Variants in RBFOX1 observed in about 807,000 individuals in gnomAD.
RBFOX1 encodes RNA binding fox-1 homolog 1, also known as RNA binding protein fox-1 homolog 1.
A neutral mutation model predicts 57.7 loss-of-function variants in RBFOX1; 8 were observed. The observed-to-expected ratio is 0.14, with a 90% CI of 0.08 to 0.25. RBFOX1 has a LOEUF of 0.25. Ranked by LOEUF, RBFOX1 falls within the 10% of genes least tolerant of loss-of-function variation. The pLI is 1.00. For synonymous variants in RBFOX1, 326 were observed against 222.4 expected (o/e 1.47, Z -4.15); for missense variants, 611 against 548.5 (o/e 1.11, Z -1.14).
At chr16:6,575,903 A>T (rs183405916) in intron 2 of RBFOX1, among the ~76,000 whole-genome samples, 1 of 152,108 alleles carries the variant, frequency 6.6e-6, no homozygotes, top group Non-Finnish European at 1.5e-5. Flanking sequence ...ATAAAGATTA[A>T]TAAAAACATG....
At chr16:5,682,396 C>T (rs1057099999) in intron 3 of RBFOX1, among the ~76,000 whole-genome samples, 1 of 152,178 alleles carries the variant, frequency 6.6e-6, no homozygotes, top group Admixed American at 6.5e-5. Flanking sequence ...GGAAAGACAC[C>T]TGGAAAAAGA....
rs77050869 is a variant in RBFOX1, at chr16:7,148,338, G to C, written c.27+96240G>C. On this transcript the variant is annotated intron_variant, in intron 4 of 15. Transcript: ENST00000550418. Reference sequence around the variant, plus strand: ...TTTATAAGGAAACTCCAAGAAGCCTGATTTTAGCATCTATACAGGCCATTA... The same window carrying C: ...TTTATAAGGAAACTCCAAGAAGCCTCATTTTAGCATCTATACAGGCCATTA... Among the ~76,000 whole-genome samples, 749 of 152,280 alleles carry C rather than the reference G, an allele frequency of 4.9e-3. 5 individuals are homozygous for C. Among genetic ancestry groups the C allele is most frequent in the African/African-American group, 0.017 (720 of 41,562 alleles).
chr16:7,294,983 T>C (rs2095862550), intron 4 of RBFOX1, among the ~76,000 whole-genome samples: 1 of 152,192 alleles, frequency 6.6e-6, no homozygotes, highest in Admixed American at 6.5e-5. Context: ...ATAAAAATAA[T>C]CTACCTTGCA....
At chr16:6,268,253 C>T (rs76752413) in intron 1 of RBFOX1, among the ~76,000 whole-genome samples, 1 of 152,160 alleles carries the variant, frequency 6.6e-6, no homozygotes, top group African/African-American at 2.4e-5. Context: ...ATTTACATCT[C>T]TTTATGGGGA....
chr16:7,070,880 C>G (rs926829381), intron 4 of RBFOX1, among the ~76,000 whole-genome samples: 3 of 152,132 alleles, frequency 2.0e-5, no homozygotes, highest in Admixed American at 2.0e-4. Flanking sequence ...CCAGCACTGA[C>G]AAGACTGTGG....
At chr16:5,487,295 A>G (rs2042661288) in intron 2 of RBFOX1, among the ~76,000 whole-genome samples, 1 of 152,184 alleles carries the variant, frequency 6.6e-6, no homozygotes, top group Non-Finnish European at 1.5e-5. Context: ...TTGTTTCTTG[A>G]GTTCGTAGCA....
At chr16:6,106,316 T>A (rs1381187732) in intron 1 of RBFOX1, among the ~76,000 whole-genome samples, 4 of 149,118 alleles carry the variant, frequency 2.7e-5, no homozygotes, top group African/African-American at 9.9e-5. Context: ...AAAAAATTAG[T>A]CAGGCTTGAT....
chr16:7,688,307 A>C (rs544239295), intron 14 of RBFOX1, among the ~76,000 whole-genome samples: 14 of 151,774 alleles, frequency 9.2e-5, no homozygotes, highest in Non-Finnish European at 1.8e-4. Context: ...AGCATTGGAT[A>C]CAAGAAGAAT....
intron 2 of RBFOX1, among the ~76,000 whole-genome samples, chr16:6,604,365 T>C (rs1049739754): frequency 1.3e-5 from 2 of 152,162 alleles, no homozygotes; most frequent in African/African-American, 4.8e-5. Flanking sequence ...TTTTAAGAGA[T>C]AGGGCCTTGC....
In RBFOX1 at chr16:7,022,196, T is replaced by C. The variant is rs181826312; in HGVS notation, c.-15-29861T>C. Among the ~76,000 whole-genome samples the C allele has an allele frequency of 3.2e-3, 486 of 150,382 alleles. 4 individuals carry two copies. Among genetic ancestry groups the C allele is most frequent in the African/African-American group, 0.012 (472 of 40,796 alleles). ...CTCCCACCTCAGCCTCCTGAGTAGC[T>C]GGGACTACAGACACACCCCTAATTT... is the stretch of plus-strand genomic sequence containing the variant. On this transcript the variant is annotated intron_variant, in intron 3 of 15. Coordinates refer to ENST00000550418, the MANE Select transcript of RBFOX1 (RefSeq NM_018723.4).
At chr16:7,202,865 G>T (rs1252920334) in intron 4 of RBFOX1, among the ~76,000 whole-genome samples, 2 of 152,142 alleles carry the variant, frequency 1.3e-5, no homozygotes, top group Middle Eastern at 3.2e-3. Flanking sequence ...AAAAGGTTGG[G>T]GTCTGCTGAA....
chr16:6,466,156 G>C (rs1390944731), intron 2 of RBFOX1, among the ~76,000 whole-genome samples: 1 of 151,338 alleles, frequency 6.6e-6, no homozygotes, highest in South Asian at 2.1e-4. Context: ...TTGAACCCGG[G>C]AGGCAGAGGT....
intron 3 of RBFOX1, among the ~76,000 whole-genome samples, chr16:6,699,093 G>A (rs2061461954): frequency 6.6e-6 from 1 of 152,136 alleles, no homozygotes; most frequent in African/African-American, 2.4e-5. Flanking sequence ...ATCATAACCA[G>A]CATGCAGCCA....
intron 1 of RBFOX1, among the ~76,000 whole-genome samples, chr16:5,256,404 C>T (rs1437884954): frequency 6.6e-6 from 1 of 152,176 alleles, no homozygotes; most frequent in Non-Finnish European, 1.5e-5. Context: ...TTCACCTGTC[C>T]TCACATGTCC....
intron 3 of RBFOX1, among the ~76,000 whole-genome samples, chr16:5,698,474 A>G (rs553649841): frequency 8.5e-5 from 13 of 152,280 alleles, no homozygotes; most frequent in African/African-American, 3.1e-4. Context: ...GTTTTTCTAG[A>G]AAACTGTACA....
chr16:6,098,696 A>C (rs1352093326), intron 1 of RBFOX1, among the ~76,000 whole-genome samples: 1 of 152,192 alleles, frequency 6.6e-6, no homozygotes, highest in Admixed American at 6.5e-5. Flanking sequence ...ATCATCTGAG[A>C]CCCTTACTAC....
Position 6,256,177 on chromosome 16 carries a change from A to ATATGTATATATATG in RBFOX1, c.-126-60815_-126-60814insGTATATATATGTAT, listed in dbSNP as rs1555582278. On this transcript the variant is annotated intron_variant, in intron 1 of 15. Coordinates refer to ENST00000550418, the MANE Select transcript of RBFOX1 (RefSeq NM_018723.4). ...TATATATGTATATATATATGTATAT[A>ATATGTATATATATG]TATATATACGTATATATATGTATAT... 3.2e-3 allele frequency among the ~76,000 whole-genome samples: 62 copies of ATATGTATATATATG among 19,444 alleles called. 5 individuals carry two copies. Among genetic ancestry groups the ATATGTATATATATG allele is most frequent in the Non-Finnish European group, 6.3e-3 (47 of 7,460 alleles). 12.8% of individuals were successfully genotyped at this position (19,444 alleles called of 152,430 possible).
chr16:7,302,457 C>G (rs1041830154), intron 4 of RBFOX1, among the ~76,000 whole-genome samples: 4 of 151,854 alleles, frequency 2.6e-5, no homozygotes, highest in African/African-American at 9.7e-5. Flanking sequence ...TTGGGATGTC[C>G]CTGGTGGCCA....
chr16:6,861,146 G>T (rs777934659), intron 3 of RBFOX1, among the ~76,000 whole-genome samples: 2 of 152,038 alleles, frequency 1.3e-5, no homozygotes, highest in South Asian at 2.1e-4. Flanking sequence ...AGCATCTTCC[G>T]TATTTTTTAT....
Sources: allele counts gnomAD v4.1 joint callset (sites outside exome capture counted in the v4.1 genomes callset), GRCh38; gene constraint gnomAD v4.1.1; transcripts MANE v1.5; gene names NCBI Gene and HGNC (gene_info 2026-07-23, HGNC 2026-07-21).